The following CES5A variants were observed in gnomAD, a reference collection of about 807,000 sequenced individuals.
CES5A encodes carboxylesterase 5A, also known as carboxylesterase 5.
CES5A carries 67 observed loss-of-function variants against 62.9 expected under a neutral mutation model. The ratio of observed to expected loss-of-function variants is 1.07; its 90% CI spans 0.88 to 1.31. The LOEUF is 1.31. Among genes scored for constraint, CES5A ranks in the 50% most tolerant of loss-of-function variants. The pLI is 0.00. For synonymous variants in CES5A, 296 were observed against 280.8 expected, an observed-to-expected ratio of 1.05 and a Z score of -0.54; for missense variants, 748 against 708.5, an observed-to-expected ratio of 1.06 and a Z score of -0.63.
At chr16:55,930,944 T>C (rs1388539149) in intron 2 of CES5A, among the ~76,000 whole-genome samples, 1 of 152,318 alleles carries the variant, frequency 6.6e-6, no homozygotes, top group Admixed American at 6.5e-5. Context: ...AATTACATCC[T>C]ACTTCAAGAT....
At chr16:55,850,903 T>TC (rs1159920456) in intron 10 of CES5A, among the ~76,000 whole-genome samples, 1 of 73,978 alleles carries the variant, frequency 1.4e-5, no homozygotes, top group East Asian at 4.9e-4. Context: ...CTCCTTTTCT[T>TC]TTTAAAAAAA....
At chr16:55,877,199 C>A (rs1206577999), upstream of CES5A, among the ~76,000 whole-genome samples, 1 of 152,146 alleles carries the variant, frequency 6.6e-6, no homozygotes, top group East Asian at 1.9e-4. Flanking sequence ...CAGCCAGACA[C>A]CATCTTGGCA....
intron 1 of CES5A, among the ~76,000 whole-genome samples, chr16:55,954,267 C>T (rs372429292): frequency 3.3e-5 from 5 of 152,112 alleles, no homozygotes; most frequent in Admixed American, 1.3e-4. Flanking sequence ...TTTGCAGGTT[C>T]GGTATTTCAT....
intron 9 of CES5A, among the ~76,000 whole-genome samples, chr16:55,853,365 G>C (rs2033169851): frequency 6.6e-6 from 1 of 152,220 alleles, no homozygotes; most frequent in Non-Finnish European, 1.5e-5. Context: ...GTGGAGCTCA[G>C]TGCAAAGTAA....
chr16:55,869,700 G>A lies in CES5A; in HGVS notation c.462C>T (p.Ala154=), dbSNP rs1269159011. ...FPGGAFKTGS[A]SIFDGSALAA... ...CCAGGGCGGACCCATCAAAGATGGA[G>A]GCTGAGCCAGTCTTGAAGGCACCTC... is the stretch of plus-strand genomic sequence containing the variant. The change falls in exon 4 of 13, where the codon GCC becomes GCT. Residue 154 remains alanine (A), a synonymous_variant. Coordinates refer to ENST00000290567, the MANE Select transcript of CES5A (RefSeq NM_001143685.2). 1.9e-6 allele frequency: 3 copies of A among 1,610,510 alleles called. No individual in the cohort carries two copies. The African/African-American group carries it at 4.0e-5, about 22-fold the overall frequency.
intron 4 of CES5A, 133 bp downstream of exon 4, chr16:55,869,478 C>T (rs2033536864): frequency 7.4e-7 from 1 of 1,349,302 alleles, no homozygotes; most frequent in South Asian, 2.2e-5. Flanking sequence ...GCAAAAATTA[C>T]CTAAGTAATT....
At chr16:55,877,218 G>A (rs1022529193), upstream of CES5A, among the ~76,000 whole-genome samples, 7 of 152,236 alleles carry the variant, frequency 4.6e-5, no homozygotes, top group African/African-American at 1.4e-4. Context: ...CAAGGAGTGC[G>A]GGTGGGGTGG....
intron 1 of CES5A, among the ~76,000 whole-genome samples, chr16:55,890,409 G>A (rs190507692): frequency 6.6e-6 from 1 of 151,788 alleles, no homozygotes; most frequent in African/African-American, 2.4e-5. Flanking sequence ...TTGTGAAATT[G>A]TGGAGGTAAA....
rs755896830 is a variant in CES5A at position 55,871,589 on chromosome 16, T to C, written c.417+36A>G. 9.3e-6 allele frequency: 15 copies of C among 1,610,936 alleles called. No individual in the cohort carries two copies. In the South Asian group the frequency reaches 1.5e-4, roughly 17 times the overall value. ...CCTGGATCCCAGGCCAAGGTCCTGCTAGCTAGAGCCCGAAGCACACAGCAG... is the reference window on the plus strand; with the variant it reads ...CCTGGATCCCAGGCCAAGGTCCTGCCAGCTAGAGCCCGAAGCACACAGCAG... On this transcript the variant is annotated intron_variant, in intron 3 of 12. Coordinates refer to ENST00000290567, the MANE Select transcript of CES5A (RefSeq NM_001143685.2).
intron 9 of CES5A, among the ~76,000 whole-genome samples, chr16:55,855,949 T>G (rs1201215332): frequency 5.3e-5 from 8 of 152,152 alleles, no homozygotes; most frequent in African/African-American, 1.9e-4. Context: ...ACCACCCCTT[T>G]GGTGCTGTTC....
At position 55,846,467 on chromosome 16, in the gene CES5A, A is replaced by G. The variant is rs575240574; in HGVS notation, c.1712T>C (p.Phe571Ser). 1.1e-4 allele frequency: 183 copies of G among 1,613,588 alleles called. No homozygotes were observed. In the South Asian group the frequency reaches 1.9e-3, roughly 17 times the overall value. ...TFLSLLQPFF[F>S]FCAP is the part of the protein sequence containing the mutation. ...GATAACTTCTCAAGGAGCACAAAAG[A>G]AAAAGAAAGGCTGGAGGAGAGAGAG... The change falls in exon 13 of 13, where the codon TTC (phenylalanine) becomes TCC (serine). Residue 571 changes from phenylalanine to serine, a missense_variant. Coordinates refer to ENST00000290567, the MANE Select transcript of CES5A (RefSeq NM_001143685.2).
At chr16:55,854,544 C>CTTTCTTTTTTTTTTTTTTTT (rs2033200146) in intron 9 of CES5A, among the ~76,000 whole-genome samples, 1 of 64,416 alleles carries the variant, frequency 1.6e-5, no homozygotes, top group African/African-American at 7.0e-5. Flanking sequence ...TTTTTTTTTT[C>CTTTCTTTTTTTTTTTTTTTT]TTTTTTTTTT....
chr16:55,943,131 T>C (rs1449935966), intron 2 of CES5A, among the ~76,000 whole-genome samples: 1 of 152,232 alleles, frequency 6.6e-6, no homozygotes, highest in African/African-American at 2.4e-5. Context: ...TTGAACATTT[T>C]AGAGTTGCGC....
intron 2 of CES5A, among the ~76,000 whole-genome samples, chr16:55,945,261 G>A (rs1486414162): frequency 6.6e-6 from 1 of 152,130 alleles, no homozygotes; most frequent in African/African-American, 2.4e-5. Context: ...GCACCTATTA[G>A]GGGTAGGTAC....
chr16:55,910,227 C>A (rs918703175), intron 1 of CES5A, among the ~76,000 whole-genome samples: 4 of 152,192 alleles, frequency 2.6e-5, no homozygotes, highest in African/African-American at 9.7e-5. Flanking sequence ...GTGCACCATG[C>A]AGCCACCTCC....
intron 7 of CES5A, among the ~76,000 whole-genome samples, chr16:55,859,896 G>T (rs1349339153): frequency 6.6e-6 from 1 of 152,144 alleles, no homozygotes; most frequent in Non-Finnish European, 1.5e-5. Flanking sequence ...GGCTAAACTT[G>T]TCTGTGCCTT....
intron 1 of CES5A, among the ~76,000 whole-genome samples, chr16:55,901,246 T>C (rs1298630430): frequency 2.0e-5 from 3 of 152,208 alleles, no homozygotes; most frequent in Non-Finnish European, 2.9e-5. Flanking sequence ...TTGCCATTTA[T>C]TCGCCTTCTA....
chr16:55,859,588 T>C lies in CES5A; in HGVS notation c.1015A>G (p.Ile339Val), dbSNP rs1236451616. The C allele has an allele frequency of 1.2e-6, 2 of 1,613,790 alleles. No individual in the cohort carries two copies. The highest frequency in any genetic ancestry group is 1.3e-5 in the African/African-American group (1 of 74,936). ...QKAFKAIPSIIGVNNHECGFL... is the reference protein window; with the variant it reads ...QKAFKAIPSIVGVNNHECGFL... ...CCACACTCGTGGTTATTGACTCCGATGATGGAAGGAATTGCTTTAAATGCT... is the reference window on the plus strand; with the variant it reads ...CCACACTCGTGGTTATTGACTCCGACGATGGAAGGAATTGCTTTAAATGCT... Residue 339 changes from isoleucine to valine, a missense_variant, in exon 8 of 13, where the codon ATC (isoleucine) becomes GTC (valine). Ile to Val is a conservative substitution (Grantham distance 29). Coordinates refer to ENST00000290567, the MANE Select transcript of CES5A (RefSeq NM_001143685.2).
chr16:55,888,304 T>C (rs2033838225), intron 1 of CES5A, among the ~76,000 whole-genome samples: 1 of 152,184 alleles, frequency 6.6e-6, no homozygotes, highest in Non-Finnish European at 1.5e-5. Context: ...TTCCGTTTAC[T>C]GTCCCCAGGC....
Sources: gnomAD v4.1 joint callset for allele counts (sites outside exome capture counted in the v4.1 genomes callset) on GRCh38, gnomAD v4.1.1 for gene constraint, MANE v1.5 for transcripts, NCBI Gene and HGNC (gene_info 2026-07-23, HGNC 2026-07-21) for gene names.